The following EXOC2 variants were observed in gnomAD, a reference collection of about 807,000 sequenced individuals.
The protein encoded by EXOC2 is SEC5-like 1.
Under a neutral mutation model 131.8 loss-of-function variants are expected in EXOC2, and 70 were observed. The observed-to-expected ratio is 0.53, with a 90% CI of 0.44 to 0.65. The LOEUF (loss-of-function observed/expected upper bound fraction) is 0.65. Among genes scored for constraint, EXOC2 ranks in the 30% least tolerant of loss-of-function variants. The probability of loss-of-function intolerance (pLI) is 0.00; values close to 1 mark genes in which losing one functional copy is unlikely to be tolerated. For synonymous variants in EXOC2, 411 were observed against 398.4 expected (o/e 1.03, Z -0.38); for missense variants, 923 against 1,108.6 (o/e 0.83, Z 2.38).
chr6:606,102 T>C (rs1197139339), intron 7 of EXOC2, among the ~76,000 whole-genome samples: 1 of 151,776 alleles, frequency 6.6e-6, no homozygotes, highest in Non-Finnish European at 1.5e-5. Context: ...AAAGGAAGAG[T>C]TCGTGTCCTT....
At chr6:635,546 T>C (rs1370932784) in intron 2 of EXOC2, among the ~76,000 whole-genome samples, 2 of 152,158 alleles carry the variant, frequency 1.3e-5, no homozygotes, top group Admixed American at 1.3e-4. Flanking sequence ...TAAGCTACGC[T>C]AAGAAATCTG....
At chr6:637,932 A>G (rs980475448) in intron 1 of EXOC2, 71 bp from the exon 2 acceptor site, 7 of 984,174 alleles carry the variant, frequency 7.1e-6, no homozygotes, top group Non-Finnish European at 9.2e-6. Flanking sequence ...TAAGAATGCT[A>G]GACAGTCAGT....
chr6:568,383 CAT>C (rs1758090662), intron 13 of EXOC2, among the ~76,000 whole-genome samples: 13 of 152,216 alleles, frequency 8.5e-5, no homozygotes, highest in Admixed American at 7.9e-4. Context: ...TGAACCGAAA[CAT>C]GTGCTCTCCT....
At chr6:545,832 G>T (rs1439396364) in intron 22 of EXOC2, among the ~76,000 whole-genome samples, 2 of 152,104 alleles carry the variant, frequency 1.3e-5, no homozygotes, top group African/African-American at 4.8e-5. Context: ...TATGGGAGAG[G>T]TTAAAAATAC....
intron 1 of EXOC2, among the ~76,000 whole-genome samples, chr6:644,842 C>T (rs1762508290): frequency 6.6e-6 from 1 of 151,982 alleles, no homozygotes; most frequent in African/African-American, 2.4e-5. Flanking sequence ...AAAATAAAGA[C>T]CTAAATAAGT....
In EXOC2 at chr6:633,182, G is replaced by C. The variant is rs1761938176; in HGVS notation, c.119-65C>G. On this transcript the variant is annotated intron_variant, in intron 2 of 27. Coordinates refer to ENST00000230449, the MANE Select transcript of EXOC2 (RefSeq NM_018303.6). ...AGAACAATAAGACCTTAATCGTGTA[G>C]ATTACATTTTTTAAATCTAGTCTTG... 4.6e-6 allele frequency: 7 copies of C among 1,532,088 alleles called. No homozygotes were observed. The South Asian group carries it at 5.9e-5, about 13-fold the overall frequency. The allele number at this position is 1,532,088 out of a possible 1,614,324, so 94.9% of individuals were successfully genotyped here. A position where few individuals can be genotyped will look rare whatever the true frequency, so the allele number is the denominator to read the frequency against.
intron 22 of EXOC2, among the ~76,000 whole-genome samples, chr6:545,656 GAGATC>G (rs1372106340): frequency 6.6e-6 from 1 of 152,218 alleles, no homozygotes; most frequent in East Asian, 1.9e-4. Context: ...GAAATGTGAT[GAGATC>G]AGCTTCCAAA....
chr6:677,063 G>A lies in EXOC2; in HGVS notation c.-44+15956C>T, dbSNP rs1418616159. 2.0e-4 allele frequency among the ~76,000 whole-genome samples: 11 copies of A among 55,320 alleles called. 5 individuals are homozygous for A. The highest frequency in any genetic ancestry group is 3.4e-4 in the African/African-American group (7 of 20,762). 36.3% of individuals were successfully genotyped at this position (55,320 alleles called of 152,430 possible). A position where few individuals can be genotyped will look rare whatever the true frequency, so the allele number is the denominator to read the frequency against. ...GGACAGCTTTCTCTGGAGACTCTGCGGTTCCCCATACTCTTCAACATTACG... is the reference window on the plus strand; with the variant it reads ...GGACAGCTTTCTCTGGAGACTCTGCAGTTCCCCATACTCTTCAACATTACG... On this transcript the variant is annotated intron_variant, in intron 1 of 27. Coordinates refer to ENST00000230449, the MANE Select transcript of EXOC2 (RefSeq NM_018303.6).
intron 7 of EXOC2, 110 bp from the exon 8 acceptor site, chr6:599,335 A>G: frequency 9.7e-7 from 1 of 1,036,156 alleles, no homozygotes; most frequent in Non-Finnish European, 1.3e-6. Context: ...GTTTTACGTT[A>G]AAACTCAGAC....
intron 1 of EXOC2, chr6:669,148 G>A (rs1480858987): frequency 2.6e-5 from 4 of 152,256 alleles, no homozygotes; most frequent in African/African-American, 9.7e-5. Context: ...ATGGAGCTCA[G>A]GATCTTCCTG....
At chr6:531,752 T>C (rs1581379253) in intron 23 of EXOC2, among the ~76,000 whole-genome samples, 1 of 152,226 alleles carries the variant, frequency 6.6e-6, no homozygotes, top group African/African-American at 2.4e-5. Flanking sequence ...AGAACCCGTG[T>C]CCGATACCAG....
At chr6:618,432 T>G (rs2127678464) in intron 5 of EXOC2, among the ~76,000 whole-genome samples, 1 of 152,320 alleles carries the variant, frequency 6.6e-6, no homozygotes, top group Middle Eastern at 3.4e-3. Context: ...TTTCAGAAGT[T>G]TTATGTCCAT....
chr6:492,521 G>T (rs1328257923), intron 25 of EXOC2, among the ~76,000 whole-genome samples: 2 of 152,160 alleles, frequency 1.3e-5, no homozygotes, highest in African/African-American at 4.8e-5. Context: ...ATCAGCTGAT[G>T]AATGGATAAA....
chr6:567,379 G>A (rs1346417302), intron 13 of EXOC2, among the ~76,000 whole-genome samples: 1 of 152,178 alleles, frequency 6.6e-6, no homozygotes, highest in Non-Finnish European at 1.5e-5. Flanking sequence ...CACCTCCAGA[G>A]AGCGGCCTTC....
intron 13 of EXOC2, among the ~76,000 whole-genome samples, chr6:568,920 T>C (rs1283819994): frequency 3.9e-5 from 6 of 152,186 alleles, no homozygotes; most frequent in Admixed American, 3.9e-4. Flanking sequence ...GACAGTAATT[T>C]TGTAAAATTC....
rs1167586452 is a variant in EXOC2 at position 532,503 on chromosome 6, T to A, written c.2346A>T (p.Gly782=). ...GCAGGCAGTCCTTCCAATCAAAATATCCTGCATAAATTCCAGGTTCTAAGG... is the reference window on the plus strand; with the variant it reads ...GCAGGCAGTCCTTCCAATCAAAATAACCTGCATAAATTCCAGGTTCTAAGG... The part of the protein sequence containing the change: ...VGSLEPGIYA[G]YFDWKDCLPP... Residue 782 remains glycine, a synonymous_variant, in exon 23 of 28, where the codon GGA becomes GGT. Transcript: ENST00000230449. The A allele has an allele frequency of 7.5e-6, 12 of 1,606,368 alleles. No homozygotes were observed. The highest frequency in any genetic ancestry group is 9.3e-6 in the Non-Finnish European group (11 of 1,177,870).
At chr6:656,017 A>G in intron 1 of EXOC2, 1 of 915,712 alleles carries the variant, frequency 1.1e-6, no homozygotes, top group Non-Finnish European at 1.7e-6. Flanking sequence ...AAGTCAGTGA[A>G]GGTCCAAATT....
chr6:558,159 A>G (rs1009619577), intron 17 of EXOC2, among the ~76,000 whole-genome samples: 1 of 152,238 alleles, frequency 6.6e-6, no homozygotes, highest in African/African-American at 2.4e-5. Flanking sequence ...AGGAAGTGAC[A>G]TCTATATACA....
At chr6:532,333 CAA>C in intron 23 of EXOC2, 134 bp downstream of exon 23, 1 of 1,016,672 alleles carries the variant, frequency 9.8e-7, no homozygotes, top group Non-Finnish European at 1.3e-6. Context: ...TTTAAGCAAA[CAA>C]AAAGTTAAAA....
Sources: gnomAD v4.1 joint callset for allele counts (sites outside exome capture counted in the v4.1 genomes callset) on GRCh38, gnomAD v4.1.1 for gene constraint, MANE v1.5 for transcripts, NCBI Gene and HGNC (gene_info 2026-07-23, HGNC 2026-07-21) for gene names.